INPP5A: variants seen among roughly 807,000 people sequenced by gnomAD.
The protein encoded by INPP5A is 43 kDa inositol polyphosphate 5-phophatase.
INPP5A carries 14 observed loss-of-function variants against 65.2 expected under a neutral mutation model. The observed-to-expected ratio is 0.21, with a 90% CI of 0.14 to 0.34. The LOEUF is 0.34. INPP5A is among the 10% of genes least tolerant of loss of function. The pLI, the probability that INPP5A is intolerant of heterozygous loss-of-function variation, is 1.00. For synonymous variants in INPP5A, 207 were observed against 208.3 expected (o/e 0.99, Z 0.05); for missense variants, 431 against 545.6 (o/e 0.79, Z 2.09).
Position 132,741,498 on chromosome 10 carries a change from C to T in INPP5A, c.733-8019C>T, listed in dbSNP as rs529207740. On this transcript the variant is annotated intron_variant, in intron 9 of 15. Transcript: ENST00000368594. This position sits in a 1 kb window ranked among gnomAD's most constrained non-coding sequence, Gnocchi z 4.4. ...TGCATTGCACCCAGAAGAGGATACC[C>T]CCGAATGAAGCTGGAGGCTGCTGTC... Among the ~76,000 whole-genome samples, 92 of 152,232 alleles carry T rather than the reference C, an allele frequency of 6.0e-4. No individual in the cohort carries two copies. The highest frequency in any genetic ancestry group is 2.2e-3 in the African/African-American group (90 of 41,544).
At position 132,637,728 on chromosome 10, in the gene INPP5A, C is replaced by T. The variant is rs923514313; in HGVS notation, c.118-8140C>T. On this transcript the variant is annotated intron_variant, in intron 2 of 15. Transcript: ENST00000368594. This position sits in a 1 kb window ranked among gnomAD's most constrained non-coding sequence, Gnocchi z 4.1. The stretch of plus-strand genomic sequence containing the variant: ...ATGGGCGCTCTCCGTCTCTTTCTCC[C>T]AGTGGTCCATTCTGTGTTTTAGTTT... Among the ~76,000 whole-genome samples, 2 of 152,120 alleles carry T rather than the reference C, an allele frequency of 1.3e-5. No homozygotes were observed. Among genetic ancestry groups the T allele is most frequent in the African/African-American group, 2.4e-5 (1 of 41,402 alleles).
intron 8 of INPP5A, among the ~76,000 whole-genome samples, chr10:132,718,229 G>A (rs1475812773): frequency 7.2e-6 from 1 of 139,272 alleles, no homozygotes; most frequent in African/African-American, 2.7e-5. Flanking sequence ...CCTGGGTTCT[G>A]TCTGGGCACC....
At position 132,546,927 on chromosome 10, in the gene INPP5A, C is replaced by T. The variant is rs765667060; in HGVS notation, c.75+8756C>T. ...GTTTCCTGCTCAGCAGAGCCCAGGC[C>T]TGGCCCTGGTTAGCAGGCTGTGTCA... is the stretch of plus-strand genomic sequence containing the variant. On this transcript the variant is annotated intron_variant, in intron 1 of 15. Transcript: ENST00000368594. This position sits in a 1 kb window ranked among gnomAD's most constrained non-coding sequence, Gnocchi z 5.7. Among the ~76,000 whole-genome samples, 12 of 152,224 alleles carry T rather than the reference C, an allele frequency of 7.9e-5. No homozygotes were observed. The highest frequency in any genetic ancestry group is 1.5e-4 in the Non-Finnish European group (10 of 68,036).
chr10:132,714,126 G>A (rs1845697595), intron 8 of INPP5A, among the ~76,000 whole-genome samples: 1 of 152,222 alleles, frequency 6.6e-6, no homozygotes, highest in Non-Finnish European at 1.5e-5. Context: ...GCATGGCATG[G>A]CATTAAAATG....
chr10:132,583,360 G>A (rs572090085), intron 1 of INPP5A, among the ~76,000 whole-genome samples: 2 of 152,292 alleles, frequency 1.3e-5, no homozygotes, highest in African/African-American at 4.8e-5. Flanking sequence ...AGAGCCATGT[G>A]AGCACCTTTT....
chr10:132,681,387 C>G (rs1438677368), intron 4 of INPP5A, among the ~76,000 whole-genome samples: 1 of 152,202 alleles, frequency 6.6e-6, no homozygotes, highest in Admixed American at 6.5e-5. Flanking sequence ...TGAGCTGTAA[C>G]ACTCACCGCG....
At chr10:132,679,097 G>C (rs1299929714) in intron 4 of INPP5A, among the ~76,000 whole-genome samples, 1 of 152,192 alleles carries the variant, frequency 6.6e-6, no homozygotes, top group African/African-American at 2.4e-5. Flanking sequence ...GCCCGGTGGA[G>C]AAGAGACCAA....
chr10:132,740,602 C>G (rs1661815261), intron 9 of INPP5A, among the ~76,000 whole-genome samples: 1 of 152,178 alleles, frequency 6.6e-6, no homozygotes, highest in South Asian at 2.1e-4. Flanking sequence ...GTACTCGGGC[C>G]TTTTGTTGTG....
At chr10:132,626,279 G>A (rs567740792) in intron 2 of INPP5A, among the ~76,000 whole-genome samples, 6 of 152,230 alleles carry the variant, frequency 3.9e-5, no homozygotes, top group Non-Finnish European at 7.3e-5. Flanking sequence ...ATCCAGGTTC[G>A]CCTGGTTAAA....
Position 132,762,074 on chromosome 10 carries a change from CA to C in INPP5A, c.904-3698del, listed in dbSNP as rs1416592451. ...GAGAAGGGATTGAGGAATGGGATGG[CA>C]GGCCTGGGGAATGGCCCAGAATGCA... is the stretch of plus-strand genomic sequence containing the variant. On this transcript the variant is annotated intron_variant, in intron 11 of 15. Transcript: ENST00000368594. The surrounding 1 kb of genome is among the most constrained non-coding windows in gnomAD (Gnocchi z 4.6). Among the ~76,000 whole-genome samples, 1 of 152,106 alleles carries C rather than the reference CA, an allele frequency of 6.6e-6. No homozygotes were observed. Among genetic ancestry groups the C allele is most frequent in the Non-Finnish European group, 1.5e-5 (1 of 68,036 alleles).
rs984656795 is a variant in INPP5A at position 132,707,489 on chromosome 10, G to A, written c.475-824G>A. On this transcript the variant is annotated intron_variant, in intron 6 of 15. Coordinates refer to ENST00000368594, the MANE Select transcript of INPP5A (RefSeq NM_005539.5). The surrounding 1 kb of genome is among the most constrained non-coding windows in gnomAD (Gnocchi z 5.5). Reference sequence around the variant, plus strand: ...GGCTGTTTAAATTAAAATTAATGAAGATAAAATGGAATCTAAAATTCAGTT... The same window carrying A: ...GGCTGTTTAAATTAAAATTAATGAAAATAAAATGGAATCTAAAATTCAGTT... Among the ~76,000 whole-genome samples the A allele has an allele frequency of 4.6e-5, 7 of 152,172 alleles. No individual in the cohort carries two copies. The highest frequency in any genetic ancestry group is 1.7e-4 in the African/African-American group (7 of 41,444).
At chr10:132,600,975 C>G (rs2071769195) in intron 1 of INPP5A, among the ~76,000 whole-genome samples, 1 of 152,172 alleles carries the variant, frequency 6.6e-6, no homozygotes, top group Non-Finnish European at 1.5e-5. Flanking sequence ...GGTGGGGACA[C>G]AGCCAAACCA....
chr10:132,719,379 C>T (rs865948751), intron 8 of INPP5A, among the ~76,000 whole-genome samples: 16 of 124,314 alleles, frequency 1.3e-4, no homozygotes, highest in South Asian at 2.7e-4. Context: ...GGCTGTCTTG[C>T]GGGTTCTGTG....
Position 132,616,012 on chromosome 10 carries a change from G to A in INPP5A, c.117+8056G>A, listed in dbSNP as rs775070938. ...GGGCCTCCCCTCTTAGTGGTGATGG[G>A]CTTCACCCTCTGTAGCTGCCGGTTC... On this transcript the variant is annotated intron_variant, in intron 2 of 15. Coordinates refer to ENST00000368594, the MANE Select transcript of INPP5A (RefSeq NM_005539.5). The surrounding 1 kb of genome is among the most constrained non-coding windows in gnomAD (Gnocchi z 4.9). Among the ~76,000 whole-genome samples, 15 of 152,320 alleles carry A rather than the reference G, an allele frequency of 9.8e-5. No homozygotes were observed. The Middle Eastern group carries it at 0.01, about 104-fold the overall frequency.
chr10:132,726,772 G>A, intron 8 of INPP5A, 49 bp from the exon 9 acceptor site: 1 of 1,383,640 alleles, frequency 7.2e-7, no homozygotes, highest in Non-Finnish European at 1.0e-6. Context: ...GGGCATGAGG[G>A]CTGGCCGGCT....
intron 11 of INPP5A, among the ~76,000 whole-genome samples, chr10:132,755,631 T>A (rs543806905): frequency 2.3e-4 from 35 of 151,026 alleles, no homozygotes; most frequent in East Asian, 3.9e-4. Context: ...TGTGTGTGTG[T>A]GAGCAGGCGT....
intron 2 of INPP5A, among the ~76,000 whole-genome samples, chr10:132,609,480 G>A (rs2071911281): frequency 6.6e-6 from 1 of 152,182 alleles, no homozygotes; most frequent in Non-Finnish European, 1.5e-5. Context: ...TCCTCTCCTG[G>A]TGTGTCTCCC....
chr10:132,758,167 ACCCATAGCCCGGC>A (rs1565003890), intron 11 of INPP5A, among the ~76,000 whole-genome samples: 86 of 59,916 alleles, frequency 1.4e-3, no homozygotes, highest in Non-Finnish European at 2.0e-3. Context: ...CTGACCCCAC[ACCCATAGCCCGGC>A]ACCATGGCGT....
intron 4 of INPP5A, among the ~76,000 whole-genome samples, chr10:132,658,645 G>C (rs997025505): frequency 1.3e-5 from 2 of 152,074 alleles, no homozygotes; most frequent in Admixed American, 1.3e-4. Flanking sequence ...CCGGCCCCCC[G>C]GGGGTGCTCA....
Sources: allele counts gnomAD v4.1 joint callset (sites outside exome capture counted in the v4.1 genomes callset), GRCh38; gene constraint gnomAD v4.1.1; non-coding constraint Gnocchi (gnomAD v3.1); transcripts MANE v1.5; gene names NCBI Gene and HGNC (gene_info 2026-07-23, HGNC 2026-07-21).